Variants in COL21A1 observed in about 807,000 individuals in gnomAD.
COL21A1 encodes the protein collagen type XXI alpha 1 chain, also known as collagen alpha-1(XXI) chain.
COL21A1 carries 149 observed loss-of-function variants against 137.9 expected under a neutral mutation model. The ratio of observed to expected loss-of-function variants is 1.08; its 90% CI spans 0.95 to 1.24. The LOEUF (loss-of-function observed/expected upper bound fraction) is 1.24. Among genes scored for constraint, COL21A1 ranks in the 50% most tolerant of loss-of-function variants. The probability of loss-of-function intolerance (pLI) is 0.00; values close to 1 mark genes in which losing one functional copy is unlikely to be tolerated. For synonymous variants in COL21A1, 456 were observed against 391.5 expected (o/e 1.16, Z -1.95); for missense variants, 1,167 against 1,158.4 (o/e 1.01, Z -0.11).
At position 56,378,217 on chromosome 6, in the gene COL21A1, A is replaced by G. The variant is rs1032702600; in HGVS notation, c.-39+15754T>C. The stretch of plus-strand genomic sequence containing the variant: ...ATGGAAAAGAAAAGCAGACTTTGAC[A>G]TGCACCTTAGGTACTAGCTTGGCCA... On this transcript the variant is annotated intron_variant, in intron 1 of 28. Transcript: ENST00000370819. 6.6e-5 allele frequency among the ~76,000 whole-genome samples: 10 copies of G among 152,154 alleles called. No homozygotes were observed. In the South Asian group the frequency reaches 2.1e-3, roughly 32 times the overall value.
intron 1 of COL21A1, among the ~76,000 whole-genome samples, chr6:56,368,463 T>A (rs901249119): frequency 3.9e-5 from 6 of 152,116 alleles, no homozygotes; most frequent in African/African-American, 9.7e-5. Context: ...GAGGAAAAAA[T>A]TCAATGTGAA....
Position 56,290,509 on chromosome 6 carries a change from T to TC in COL21A1, c.-39+103461_-39+103462insG, listed in dbSNP as rs1286067969. On this transcript the variant is annotated intron_variant, in intron 1 of 28. Transcript: ENST00000370819. ...AGAATCACTTAGGAGATTTTTTTTT[T>TC]TTTTTTTTGAGACGAAGTCTTGCTC... 6.0e-5 allele frequency among the ~76,000 whole-genome samples: 9 copies of TC among 148,810 alleles called. 1 individual carries two copies. The South Asian group carries it at 1.8e-3, about 29-fold the overall frequency.
At chr6:56,317,605 A>T (rs984689985) in intron 1 of COL21A1, among the ~76,000 whole-genome samples, 1 of 152,156 alleles carries the variant, frequency 6.6e-6, no homozygotes, top group Middle Eastern at 3.4e-3. Context: ...TCCTGGCTCA[A>T]CCCCCAATTC....
At chr6:56,277,314 G>T (rs1234701647) in intron 1 of COL21A1, among the ~76,000 whole-genome samples, 3 of 152,024 alleles carry the variant, frequency 2.0e-5, no homozygotes, top group Non-Finnish European at 4.4e-5. Context: ...CCCACGACAG[G>T]CCCCGGTGTG....
intron 1 of COL21A1, among the ~76,000 whole-genome samples, chr6:56,283,874 A>ACTCTCTCTCTCTCTCTCT (rs66937943): frequency 6.8e-6 from 1 of 146,188 alleles, no homozygotes; most frequent in African/African-American, 2.6e-5. Flanking sequence ...TCACACACAC[A>ACTCTCTCTCTCTCTCTCT]CTCTCTCTCT....
chr6:56,155,564 T>G (rs1775679526), intron 10 of COL21A1, among the ~76,000 whole-genome samples: 1 of 152,216 alleles, frequency 6.6e-6, no homozygotes, highest in African/African-American at 2.4e-5. Flanking sequence ...TGCTTCATTT[T>G]GGTGACAATT....
rs555201544 is a variant in COL21A1 at position 56,061,498 on chromosome 6, A to T, written c.2205+151T>A. The T allele has an allele frequency of 9.9e-5, 52 of 522,830 alleles. No homozygotes were observed. In the Admixed American group the frequency reaches 1.2e-3, roughly 12 times the overall value. The allele number at this position is 522,830 out of a possible 1,614,324, so 32.4% of individuals were successfully genotyped here. On this transcript the variant is annotated intron_variant, in intron 25 of 29. Coordinates refer to ENST00000244728, the MANE Select transcript of COL21A1 (RefSeq NM_030820.4). ...ATTCAGTATAAATGTACATATTCTG[A>T]AAACAATTAATTGGGAACTTCTACT...
At chr6:56,195,342 A>C (rs1324727214) in intron 1 of COL21A1, among the ~76,000 whole-genome samples, 1 of 152,152 alleles carries the variant, frequency 6.6e-6, no homozygotes, top group Admixed American at 6.6e-5. Context: ...TTTTCCCAAA[A>C]GTAAAAATAG....
intron 1 of COL21A1, among the ~76,000 whole-genome samples, chr6:56,346,742 C>A (rs1765605530): frequency 6.6e-6 from 1 of 152,192 alleles, no homozygotes; most frequent in Non-Finnish European, 1.5e-5. Context: ...CAAAATTCCA[C>A]CTCCCAGTGA....
At chr6:56,120,139 G>A (rs923206922) in intron 16 of COL21A1, among the ~76,000 whole-genome samples, 30 of 152,066 alleles carry the variant, frequency 2.0e-4, no homozygotes, top group East Asian at 1.9e-4. Context: ...AAATATTTGC[G>A]AACTACCCAT....
At chr6:56,299,089 C>T (rs1280128009) in intron 1 of COL21A1, among the ~76,000 whole-genome samples, 2 of 152,116 alleles carry the variant, frequency 1.3e-5, no homozygotes, top group African/African-American at 4.8e-5. Context: ...GGAAAGTCAG[C>T]TTCTTGTCTC....
chr6:56,232,863 C>T (rs1461107005), intron 1 of COL21A1, among the ~76,000 whole-genome samples: 3 of 151,824 alleles, frequency 2.0e-5, no homozygotes, highest in African/African-American at 2.4e-5. Context: ...ATTACAGGTG[C>T]TTTTGAATAT....
At chr6:56,219,780 A>G (rs1326114633) in intron 1 of COL21A1, among the ~76,000 whole-genome samples, 2 of 152,124 alleles carry the variant, frequency 1.3e-5, no homozygotes, top group African/African-American at 4.8e-5. Flanking sequence ...ACTTGTTGCA[A>G]TGAATATTTT....
At chr6:56,310,493 C>A (rs1471576731) in intron 1 of COL21A1, among the ~76,000 whole-genome samples, 1 of 152,176 alleles carries the variant, frequency 6.6e-6, no homozygotes, top group Non-Finnish European at 1.5e-5. Flanking sequence ...TAAAGGCATA[C>A]TGATGCCTGA....
At chr6:56,283,606 G>C (rs1763832911) in intron 1 of COL21A1, among the ~76,000 whole-genome samples, 1 of 152,114 alleles carries the variant, frequency 6.6e-6, no homozygotes, top group African/African-American at 2.4e-5. Context: ...AATCATTTCT[G>C]TAATTGGTGC....
At chr6:56,115,895 T>C (rs1484679112) in intron 16 of COL21A1, among the ~76,000 whole-genome samples, 1 of 152,008 alleles carries the variant, frequency 6.6e-6, no homozygotes, top group East Asian at 1.9e-4. Flanking sequence ...CTGAACAATG[T>C]ATCAGAGTCC....
chr6:56,255,812 T>G (rs1186486431), intron 1 of COL21A1, among the ~76,000 whole-genome samples: 2 of 152,216 alleles, frequency 1.3e-5, no homozygotes, highest in African/African-American at 4.8e-5. Flanking sequence ...AAAGCCGCAA[T>G]GTACCTGGTA....
At chr6:56,238,445 A>G (rs73745411) in intron 1 of COL21A1, among the ~76,000 whole-genome samples, 93 of 151,304 alleles carry the variant, frequency 6.1e-4, no homozygotes, top group African/African-American at 2.2e-3. Flanking sequence ...AAAAAAAAAA[A>G]AAAAAAGCCT....
At chr6:56,224,844 A>G (rs1009395454) in intron 1 of COL21A1, among the ~76,000 whole-genome samples, 3 of 152,098 alleles carry the variant, frequency 2.0e-5, no homozygotes, top group African/African-American at 4.8e-5. Context: ...TTTAACAAAA[A>G]GTACTACTTA....
Sources: allele counts gnomAD v4.1 joint callset (sites outside exome capture counted in the v4.1 genomes callset), GRCh38; gene constraint gnomAD v4.1.1; transcripts MANE v1.5; gene names NCBI Gene and HGNC (gene_info 2026-07-23, HGNC 2026-07-21).